GRM3: variants seen among roughly 807,000 people sequenced by gnomAD.
GRM3 encodes glutamate metabotropic receptor 3.
A neutral mutation model predicts 70.5 loss-of-function variants in GRM3; 26 were observed. The observed-to-expected ratio is 0.37, with a 90% CI of 0.27 to 0.51. The LOEUF is 0.51. Among genes scored for constraint, GRM3 ranks in the 20% least tolerant of loss-of-function variants. The pLI is 0.93. For missense variants in GRM3, 859 were observed against 1,123.8 expected (o/e 0.76, Z 3.37); for synonymous variants, 443 against 434.9 (o/e 1.02, Z -0.23).
At chr7:86,850,694 T>C (rs1381941437) in intron 5 of GRM3, 150 bp downstream of exon 5, 2 of 646,500 alleles carry the variant, frequency 3.1e-6, no homozygotes, top group East Asian at 5.3e-5. Flanking sequence ...TCAGGTATTG[T>C]GCTAAGTGCT....
chr7:86,721,675 G>A (rs1448778125), intron 1 of GRM3, among the ~76,000 whole-genome samples: 5 of 152,026 alleles, frequency 3.3e-5, no homozygotes, highest in Admixed American at 2.6e-4. Context: ...GGGGTTAAAT[G>A]TTCACCACTA....
rs564545127 is a variant in GRM3 at position 86,822,262 on chromosome 7, A to C, written c.1325-16577A>C. ...CCAGGTTACAATTTCTGTTTGAAAA[A>C]TAATAAAGTTCTATTTGTGCCTTTA... is the stretch of plus-strand genomic sequence containing the variant. On this transcript the variant is annotated intron_variant, in intron 3 of 5. Transcript: ENST00000361669. 1.4e-4 allele frequency among the ~76,000 whole-genome samples: 22 copies of C among 152,288 alleles called. No individual in the cohort carries two copies. In the South Asian group the frequency reaches 4.4e-3, roughly 30 times the overall value.
intron 2 of GRM3, among the ~76,000 whole-genome samples, chr7:86,782,660 A>G (rs1410032563): frequency 6.6e-6 from 1 of 152,188 alleles, no homozygotes; most frequent in Non-Finnish European, 1.5e-5. Flanking sequence ...GGACGCCCCC[A>G]ACATACATAC....
chr7:86,794,208 T>C (rs1797493629), intron 3 of GRM3, among the ~76,000 whole-genome samples: 2 of 152,202 alleles, frequency 1.3e-5, no homozygotes, highest in Non-Finnish European at 2.9e-5. Context: ...TTTGTCATAG[T>C]AGAGTTAAAA....
chr7:86,795,930 A>G (rs1797538755), intron 3 of GRM3, among the ~76,000 whole-genome samples: 1 of 152,104 alleles, frequency 6.6e-6, no homozygotes, highest in African/African-American at 2.4e-5. Flanking sequence ...CTTTTAAATA[A>G]TGTTTATTAA....
At chr7:86,750,642 A>T (rs562507712) in intron 1 of GRM3, among the ~76,000 whole-genome samples, 61 of 152,050 alleles carry the variant, frequency 4.0e-4, no homozygotes, top group Non-Finnish European at 7.9e-4. Flanking sequence ...TCAAGTGACC[A>T]CAGGTGAAGA....
intron 1 of GRM3, among the ~76,000 whole-genome samples, chr7:86,732,288 C>T (rs1054499774): frequency 3.3e-5 from 5 of 152,000 alleles, no homozygotes; most frequent in Admixed American, 2.6e-4. Context: ...GTACTAAGTG[C>T]CTTAAAAACA....
chr7:86,823,822 T>C (rs1798176834), intron 3 of GRM3, among the ~76,000 whole-genome samples: 1 of 152,158 alleles, frequency 6.6e-6, no homozygotes, highest in African/African-American at 2.4e-5. Context: ...ATCCCTAGTG[T>C]AGGCCAGGAG....
intron 1 of GRM3, among the ~76,000 whole-genome samples, chr7:86,673,648 T>C (rs549619728): frequency 4.9e-4 from 74 of 152,242 alleles, no homozygotes; most frequent in Non-Finnish European, 9.3e-4. Context: ...TGCTGATGAT[T>C]CCTTAATCCC....
intron 1 of GRM3, among the ~76,000 whole-genome samples, chr7:86,737,936 T>C (rs1221546066): frequency 6.6e-6 from 1 of 152,150 alleles, no homozygotes; most frequent in Non-Finnish European, 1.5e-5. Context: ...CTATATGAAA[T>C]CTATTGTGCA....
chr7:86,664,014 C>A (rs947667825), intron 1 of GRM3, among the ~76,000 whole-genome samples: 1 of 151,944 alleles, frequency 6.6e-6, no homozygotes, highest in African/African-American at 2.4e-5. Context: ...CTATGAGCAA[C>A]TGAAAGGTCA....
At chr7:86,676,378 C>T (rs1794306452) in intron 1 of GRM3, among the ~76,000 whole-genome samples, 1 of 151,784 alleles carries the variant, frequency 6.6e-6, no homozygotes, top group South Asian at 2.1e-4. Flanking sequence ...AATTCCTATA[C>T]TAACAAAAAA....
At chr7:86,842,531 C>A (rs763919558) in intron 4 of GRM3, among the ~76,000 whole-genome samples, 1 of 152,128 alleles carries the variant, frequency 6.6e-6, no homozygotes, top group Non-Finnish European at 1.5e-5. Flanking sequence ...AACTTGGGAA[C>A]CTTGCTCTAG....
At chr7:86,834,829 T>C (rs896903738) in intron 3 of GRM3, among the ~76,000 whole-genome samples, 1 of 152,004 alleles carries the variant, frequency 6.6e-6, no homozygotes, top group Admixed American at 6.6e-5. Context: ...AGTAAGAACC[T>C]GAGGGTTCTT....
At chr7:86,708,164 A>T (rs1223591704) in intron 1 of GRM3, among the ~76,000 whole-genome samples, 1 of 152,178 alleles carries the variant, frequency 6.6e-6, no homozygotes, top group Non-Finnish European at 1.5e-5. Flanking sequence ...CTTTCAACCC[A>T]TAGGCCCTTT....
chr7:86,684,235 A>G (rs926841429), intron 1 of GRM3, among the ~76,000 whole-genome samples: 8 of 152,224 alleles, frequency 5.3e-5, no homozygotes, highest in African/African-American at 1.7e-4. Flanking sequence ...CACAGCCCTT[A>G]TCTCCCACAA....
intron 4 of GRM3, among the ~76,000 whole-genome samples, chr7:86,843,931 G>T (rs11766236): frequency 0.041 from 6,203 of 152,220 alleles, 175 homozygotes; most frequent in Non-Finnish European, 0.058. Flanking sequence ...TGGGGATCTT[G>T]TTGAAATAAA....
intron 1 of GRM3, among the ~76,000 whole-genome samples, chr7:86,738,579 G>A (rs542196631): frequency 1.3e-5 from 2 of 152,158 alleles, no homozygotes; most frequent in African/African-American, 4.8e-5. Context: ...TGACACTTAG[G>A]CAAGTTAAAT....
chr7:86,750,312 T>C (rs1488686567), intron 1 of GRM3, among the ~76,000 whole-genome samples: 1 of 152,134 alleles, frequency 6.6e-6, no homozygotes, highest in Non-Finnish European at 1.5e-5. Context: ...TACAGTTTAC[T>C]TTGTGACCAA....
Sources: gnomAD v4.1 joint callset for allele counts (sites outside exome capture counted in the v4.1 genomes callset) on GRCh38, gnomAD v4.1.1 for gene constraint, MANE v1.5 for transcripts, NCBI Gene and HGNC (gene_info 2026-07-23, HGNC 2026-07-21) for gene names.